The following SLC24A2 variants were observed in gnomAD, a reference collection of about 807,000 sequenced individuals.
SLC24A2 encodes the protein solute carrier family 24 member 2.
A neutral mutation model predicts 62.0 loss-of-function variants in SLC24A2; 36 were observed. The ratio of observed to expected loss-of-function variants is 0.58; its 90% CI spans 0.44 to 0.77. The LOEUF (loss-of-function observed/expected upper bound fraction) is 0.77. SLC24A2 is among the 30% of genes least tolerant of loss of function. SLC24A2 has a pLI of 0.00. For synonymous variants in SLC24A2, 358 were observed against 294.0 expected, an observed-to-expected ratio of 1.22 and a Z score of -2.23; for missense variants, 846 against 817.9, an observed-to-expected ratio of 1.03 and a Z score of -0.42.
chr9:19,875,863 T>C, the SLC24A2 span, among the ~76,000 whole-genome samples: 1 of 151,290 alleles, frequency 6.6e-6, no homozygotes, highest in Admixed American at 6.6e-5. Context: ...CTGTTTCAAG[T>C]CATACATTCA....
chr9:20,300,615 C>G, the SLC24A2 span, among the ~76,000 whole-genome samples: 3 of 152,138 alleles, frequency 2.0e-5, no homozygotes, highest in African/African-American at 7.2e-5. Flanking sequence ...CAGCCTGGTA[C>G]CCATAGAGTC....
intron 2 of SLC24A2, among the ~76,000 whole-genome samples, chr9:19,683,026 C>T (rs1051525326): frequency 3.3e-5 from 5 of 152,066 alleles, no homozygotes; most frequent in Non-Finnish European, 1.5e-5. Context: ...TAGGGACCCA[C>T]CGTGAAAAAT....
chr9:20,055,613 C>T, the SLC24A2 span, among the ~76,000 whole-genome samples: 15,944 of 151,990 alleles, frequency 0.1, 834 homozygotes, highest in East Asian at 0.17. Context: ...CCAGGCCAGG[C>T]GCGGTGGTTC....
the SLC24A2 span, among the ~76,000 whole-genome samples, chr9:20,228,929 C>A: frequency 0.13 from 20,072 of 151,862 alleles, 1,590 homozygotes; most frequent in African/African-American, 0.21. Flanking sequence ...TTCTAGGAGT[C>A]CTAAAGGCCA....
At chr9:20,175,637 A>C in the SLC24A2 span, among the ~76,000 whole-genome samples, 1 of 152,222 alleles carries the variant, frequency 6.6e-6, no homozygotes, top group Middle Eastern at 3.4e-3. Flanking sequence ...TTGAATACAA[A>C]GAATCTGTCA....
At chr9:20,273,605 CAT>C in the SLC24A2 span, among the ~76,000 whole-genome samples, 2 of 152,298 alleles carry the variant, frequency 1.3e-5, no homozygotes, top group Non-Finnish European at 2.9e-5. Flanking sequence ...CTGCCATCCA[CAT>C]AAGACGTGAC....
chr9:20,150,709 T>C, the SLC24A2 span, among the ~76,000 whole-genome samples: 1 of 149,822 alleles, frequency 6.7e-6, no homozygotes, highest in Non-Finnish European at 1.5e-5. Context: ...TTCAGCTTTA[T>C]GAGAAATAGT....
intron 2 of SLC24A2, among the ~76,000 whole-genome samples, chr9:19,696,798 T>G (rs1039459069): frequency 2.0e-5 from 3 of 152,182 alleles, no homozygotes; most frequent in Non-Finnish European, 4.4e-5. Flanking sequence ...AAATATAAAA[T>G]TAAAATGTAT....
chr9:19,924,108 C>T, the SLC24A2 span, among the ~76,000 whole-genome samples: 1 of 152,168 alleles, frequency 6.6e-6, no homozygotes, highest in Non-Finnish European at 1.5e-5. Context: ...CACCGTCATG[C>T]CTGTGAGGGA....
At chr9:20,079,784 T>C in the SLC24A2 span, among the ~76,000 whole-genome samples, 1 of 152,172 alleles carries the variant, frequency 6.6e-6, no homozygotes, top group Admixed American at 6.5e-5. Context: ...TGATTTTGTA[T>C]CCTGAGACTT....
the SLC24A2 span, among the ~76,000 whole-genome samples, chr9:20,147,623 T>C: frequency 6.6e-6 from 1 of 152,142 alleles, no homozygotes; most frequent in Non-Finnish European, 1.5e-5. Flanking sequence ...ACCTGACTTT[T>C]TTTCAGTATT....
chr9:20,220,162 G>C, the SLC24A2 span, among the ~76,000 whole-genome samples: 1 of 150,650 alleles, frequency 6.6e-6, no homozygotes, highest in African/African-American at 2.4e-5. Flanking sequence ...ATTTCTCACT[G>C]ATTTCCCATC....
chr9:20,202,692 G>A, the SLC24A2 span, among the ~76,000 whole-genome samples: 1 of 152,152 alleles, frequency 6.6e-6, no homozygotes, highest in African/African-American at 2.4e-5. Context: ...GGACTTGGAA[G>A]AAGAGGGGAG....
intron 7 of SLC24A2, among the ~76,000 whole-genome samples, chr9:19,558,458 T>C (rs1295579595): frequency 6.6e-6 from 1 of 152,180 alleles, no homozygotes; most frequent in African/African-American, 2.4e-5. Context: ...CCAAGTGCAC[T>C]ATGGCCAAAA....
intron 2 of SLC24A2, among the ~76,000 whole-genome samples, chr9:19,636,189 T>G (rs1296216152): frequency 6.6e-6 from 1 of 152,178 alleles, no homozygotes; most frequent in Non-Finnish European, 1.5e-5. Context: ...TGGTATTGGC[T>G]TATTGGTAGA....
the SLC24A2 span, among the ~76,000 whole-genome samples, chr9:20,189,112 G>A: frequency 4.2e-5 from 6 of 141,552 alleles, no homozygotes; most frequent in Non-Finnish European, 6.0e-5. Context: ...TTTGCTCTTA[G>A]AGAGTTCCAG....
the SLC24A2 span, among the ~76,000 whole-genome samples, chr9:20,122,459 G>C: frequency 6.6e-6 from 1 of 152,130 alleles, no homozygotes; most frequent in East Asian, 1.9e-4. Flanking sequence ...GGCTGACGTG[G>C]GCAGATCACT....
At chr9:19,789,211 T>G (rs918527617), upstream of SLC24A2, among the ~76,000 whole-genome samples, 1 of 152,156 alleles carries the variant, frequency 6.6e-6, no homozygotes, top group African/African-American at 2.4e-5. Context: ...TCTTAGGAGA[T>G]TTCTCCGCAG....
chr9:19,561,682 G>A (rs958527456), intron 7 of SLC24A2, among the ~76,000 whole-genome samples: 5 of 151,920 alleles, frequency 3.3e-5, no homozygotes, highest in African/African-American at 9.7e-5. Flanking sequence ...CACCTGCCTC[G>A]GCCTCCCAAA....
Sources: allele counts gnomAD v4.1 joint callset (sites outside exome capture counted in the v4.1 genomes callset), GRCh38; gene constraint gnomAD v4.1.1; transcripts MANE v1.5; gene names NCBI Gene and HGNC (gene_info 2026-07-23, HGNC 2026-07-21).